GRIK2: variants seen among roughly 807,000 people sequenced by gnomAD.
The protein encoded by GRIK2 is glutamate ionotropic receptor kainate type subunit 2.
A neutral mutation model predicts 100.3 loss-of-function variants in GRIK2; 32 were observed. That is an observed-to-expected ratio of 0.32 (90% CI 0.24 to 0.43). GRIK2 has a LOEUF of 0.43. Ranked by LOEUF, GRIK2 falls within the 20% of genes least tolerant of loss-of-function variation. The probability of loss-of-function intolerance (pLI) is 1.00; values close to 1 mark genes in which losing one functional copy is unlikely to be tolerated. For missense variants in GRIK2, 843 were observed against 1,114.9 expected, an observed-to-expected ratio of 0.76 and a Z score of 3.47; for synonymous variants, 417 against 389.4, an observed-to-expected ratio of 1.07 and a Z score of -0.83.
At chr6:101,634,674 G>A (rs1287764735) in intron 4 of GRIK2, among the ~76,000 whole-genome samples, 1 of 152,006 alleles carries the variant, frequency 6.6e-6, no homozygotes, top group East Asian at 1.9e-4. Context: ...ATAGACATGA[G>A]AAGAGCTTAC....
chr6:101,592,001 G>A (rs1429147611), intron 2 of GRIK2, among the ~76,000 whole-genome samples: 2 of 151,820 alleles, frequency 1.3e-5, no homozygotes, highest in South Asian at 2.1e-4. Flanking sequence ...GCTGGTGAAC[G>A]AATTCTTGCT....
intron 2 of GRIK2, among the ~76,000 whole-genome samples, chr6:101,588,115 T>C (rs1252123085): frequency 6.6e-6 from 1 of 152,134 alleles, no homozygotes; most frequent in Non-Finnish European, 1.5e-5. Context: ...CATTAGTCTT[T>C]TATTTTGTTA....
chr6:101,672,009 CT>C (rs1285528493), intron 4 of GRIK2, among the ~76,000 whole-genome samples: 1 of 152,072 alleles, frequency 6.6e-6, no homozygotes, highest in African/African-American at 2.4e-5. Flanking sequence ...ATTAAGGTGT[CT>C]CATGGATCTG....
At chr6:101,413,589 G>A (rs1775978489) in intron 2 of GRIK2, among the ~76,000 whole-genome samples, 1 of 151,872 alleles carries the variant, frequency 6.6e-6, no homozygotes, top group Admixed American at 6.6e-5. Flanking sequence ...ACATTACATG[G>A]GGGATCCTAA....
chr6:101,762,209 C>T (rs982675958), intron 7 of GRIK2, among the ~76,000 whole-genome samples: 9 of 150,926 alleles, frequency 6.0e-5, no homozygotes, highest in South Asian at 2.1e-4. Context: ...GGGTGTCACT[C>T]TGTTGCCCAG....
intron 7 of GRIK2, among the ~76,000 whole-genome samples, chr6:101,705,004 TA>T (rs1292168517): frequency 7.6e-6 from 1 of 131,638 alleles, no homozygotes; most frequent in Non-Finnish European, 1.8e-5. Flanking sequence ...TTATATTACA[TA>T]TATTTATATT....
intron 2 of GRIK2, among the ~76,000 whole-genome samples, chr6:101,619,432 T>C (rs188819151): frequency 1.7e-4 from 26 of 152,090 alleles, no homozygotes; most frequent in African/African-American, 5.8e-4. Flanking sequence ...ATTTGAATTA[T>C]TATTTTAAAG....
At chr6:101,796,754 C>G (rs919838818) in intron 7 of GRIK2, among the ~76,000 whole-genome samples, 1 of 152,248 alleles carries the variant, frequency 6.6e-6, no homozygotes, top group African/African-American at 2.4e-5. Flanking sequence ...CCATTTTGCC[C>G]AGACTGGGCT....
chr6:101,593,714 T>C (rs556594760), intron 2 of GRIK2, among the ~76,000 whole-genome samples: 2 of 152,010 alleles, frequency 1.3e-5, no homozygotes, highest in East Asian at 3.9e-4. Flanking sequence ...AAAAGATGAC[T>C]CCAAGTAATA....
chr6:101,664,381 G>A (rs548479937), intron 4 of GRIK2, among the ~76,000 whole-genome samples: 4 of 152,280 alleles, frequency 2.6e-5, no homozygotes, highest in Admixed American at 6.5e-5. Context: ...TATATCAGTC[G>A]CTAATGTGCT....
intron 2 of GRIK2, among the ~76,000 whole-genome samples, chr6:101,414,107 G>A (rs1776002449): frequency 6.6e-6 from 1 of 152,172 alleles, no homozygotes; most frequent in African/African-American, 2.4e-5. Context: ...ACAAAACAGT[G>A]TGACAAGTGC....
intron 2 of GRIK2, among the ~76,000 whole-genome samples, chr6:101,523,811 C>T (rs973195410): frequency 6.6e-6 from 1 of 151,238 alleles, no homozygotes; most frequent in Non-Finnish European, 1.5e-5. Context: ...CCTCCATCTC[C>T]TGGGTTCAAG....
chr6:101,409,100 C>T (rs1370674724), intron 2 of GRIK2, among the ~76,000 whole-genome samples: 1 of 140,494 alleles, frequency 7.1e-6, no homozygotes, highest in Non-Finnish European at 1.5e-5. Context: ...TTACCTGAAA[C>T]ATTGTGTATG....
chr6:102,015,807 C>A (rs1346938258), intron 14 of GRIK2, among the ~76,000 whole-genome samples: 1 of 152,170 alleles, frequency 6.6e-6, no homozygotes, highest in Admixed American at 6.5e-5. Context: ...AGGTCCCTAA[C>A]CTTGAGGAAC....
intron 7 of GRIK2, among the ~76,000 whole-genome samples, chr6:101,789,609 AC>A (rs1219822266): frequency 1.3e-5 from 2 of 151,880 alleles, no homozygotes; most frequent in Non-Finnish European, 2.9e-5. Context: ...GTTACTGTAG[AC>A]TTGTAGTATA....
chr6:101,698,602 A>G (rs1237072080), intron 7 of GRIK2, among the ~76,000 whole-genome samples: 1 of 151,314 alleles, frequency 6.6e-6, no homozygotes, highest in African/African-American at 2.4e-5. Context: ...TTCATAAAAA[A>G]CCTCCTATGT....
At chr6:102,019,154 C>A (rs553393554) in intron 14 of GRIK2, among the ~76,000 whole-genome samples, 7 of 152,126 alleles carry the variant, frequency 4.6e-5, no homozygotes, top group Admixed American at 1.3e-4. Flanking sequence ...CAAAATGATG[C>A]ATCAGCTGAA....
Position 101,760,688 on chromosome 6 carries a change from A to G in GRIK2, c.952-38960A>G, listed in dbSNP as rs866224043. Among the ~76,000 whole-genome samples, 299 of 69,980 alleles carry G rather than the reference A, an allele frequency of 4.3e-3. 1 individual carries two copies. Among genetic ancestry groups the G allele is most frequent in the African/African-American group, 0.02 (201 of 10,306 alleles). 45.9% of individuals were successfully genotyped at this position (69,980 alleles called of 152,430 possible). A position where few individuals can be genotyped will look rare whatever the true frequency, so the allele number is the denominator to read the frequency against. ...TATATATAATTATATATTTAATTATATATAATTATATATAATTATATATTT... is the reference window on the plus strand; with the variant it reads ...TATATATAATTATATATTTAATTATGTATAATTATATATAATTATATATTT... On this transcript the variant is annotated intron_variant, in intron 7 of 16. Coordinates refer to ENST00000369134, the MANE Select transcript of GRIK2 (RefSeq NM_021956.5).
Position 101,756,555 on chromosome 6 carries a change from A to C in GRIK2, c.952-43093A>C, listed in dbSNP as rs569182992. Among the ~76,000 whole-genome samples the C allele has an allele frequency of 2.0e-5, 3 of 149,978 alleles. No homozygotes were observed. The East Asian group carries it at 6.2e-4, about 31-fold the overall frequency. On this transcript the variant is annotated intron_variant, in intron 7 of 16. Coordinates refer to ENST00000369134, the MANE Select transcript of GRIK2 (RefSeq NM_021956.5). ...ACGTTTTCTCCTAAGCAAAGCCTTC[A>C]TGCCAATCATGAATCTCAGAGGCTG...
Sources: gnomAD v4.1 joint callset for allele counts (sites outside exome capture counted in the v4.1 genomes callset) on GRCh38, gnomAD v4.1.1 for gene constraint, MANE v1.5 for transcripts, NCBI Gene and HGNC (gene_info 2026-07-23, HGNC 2026-07-21) for gene names.